Variants in FCN2 observed in about 807,000 individuals in gnomAD.
FCN2 encodes the protein ficolin-2.
In FCN2, 31 loss-of-function variants were observed where a neutral mutation model predicts 32.5. The observed-to-expected ratio is 0.96, with a 90% CI of 0.72 to 1.29. The LOEUF (loss-of-function observed/expected upper bound fraction) is 1.29. Ranked by LOEUF, FCN2 falls within the 50% of genes most tolerant of loss-of-function variation. FCN2 has a pLI of 0.00. For synonymous variants in FCN2, 181 were observed against 164.5 expected, an observed-to-expected ratio of 1.10 and a Z score of -0.77; for missense variants, 412 against 406.5, an observed-to-expected ratio of 1.01 and a Z score of -0.12.
the FCN2 span, among the ~76,000 whole-genome samples, chr9:134,875,507 T>C: frequency 6.6e-6 from 1 of 152,184 alleles, no homozygotes; most frequent in South Asian, 2.1e-4. Flanking sequence ...GTGTATGTGA[T>C]TATGTGCACG....
chr9:134,868,169 C>G, the FCN2 span: 2 of 152,230 alleles, frequency 1.3e-5, no homozygotes, highest in Non-Finnish European at 2.9e-5. This position sits in a 1 kb window ranked among gnomAD's most constrained non-coding sequence, Gnocchi z 4.3. Context: ...AAGGACCCAG[C>G]GGAGCAGATC....
intron 2 of FCN2, among the ~76,000 whole-genome samples, chr9:134,883,038 G>A (rs1230922318): frequency 1.3e-5 from 2 of 152,148 alleles, no homozygotes; most frequent in East Asian, 1.9e-4. Context: ...CTCACACTTG[G>A]AAGGAAAAGA....
At chr9:134,880,783 T>C, upstream of FCN2, 1 of 1,537,944 alleles carries the variant, frequency 6.5e-7, no homozygotes, top group Non-Finnish European at 9.0e-7. Flanking sequence ...TCTAGCCCTA[T>C]AAGAGGGCAG....
In FCN2 at chr9:134,887,263, GC is replaced by G. The variant is rs758390412; in HGVS notation, c.791del (p.Ala264ValfsTer12). The G allele has an allele frequency of 5.9e-4, 956 of 1,614,234 alleles. No homozygotes were observed. The highest frequency in any genetic ancestry group is 7.7e-4 in the Non-Finnish European group (905 of 1,180,046). On this transcript the variant is annotated frameshift_variant, in exon 8 of 8. Transcript: ENST00000291744. LOFTEE classifies it low-confidence loss of function (END_TRUNC). ...AAATTGTGCTGTGATGTTTCAGGGA[GC>G]TTGGTGGTACAAAAACTGCCATGTG... ...TGNCAVMFQG[A>X]WWYKNCHVSN...
rs2133001331 is a variant in FCN2 at position 134,883,325 on chromosome 9, C to T, written c.238C>T (p.Pro80Ser). 6.2e-7 allele frequency: 1 copy of T among 1,613,744 alleles called. No individual in the cohort carries two copies. Among genetic ancestry groups the T allele is most frequent in the African/African-American group, 1.3e-5 (1 of 75,028 alleles). The change falls in exon 3 of 8, where the codon CCT (proline) becomes TCT (serine). Residue 80 changes from proline to serine, a missense_variant. Coordinates refer to ENST00000291744, the MANE Select transcript of FCN2 (RefSeq NM_004108.3). ...AGGAGAACGTGGCCCCCCTGGACCT[C>T]CTGGGAAGGCAGGACCACCTGGGCC... ...KRGERGPPGP[P>S]GKAGPPGPNG...
In FCN2 at chr9:134,885,256, G is replaced by A. The variant is rs1413481250; in HGVS notation, c.319G>A (p.Asp107Asn). The change falls in exon 5 of 8, where the codon GAC (aspartate) becomes AAC (asparagine). Residue 107 changes from aspartate to asparagine, a missense_variant. Asp to Asn is a conservative substitution (Grantham distance 23). Transcript: ENST00000291744. ...CTTCCCAGGCCCGCGTACCTGCAAG[G>A]ACCTGCTAGACCGAGGGCACTTCCT... The part of the protein sequence containing the change: ...PCLTGPRTCK[D>N]LLDRGHFLSG... The A allele has an allele frequency of 1.9e-6, 3 of 1,614,018 alleles. No homozygotes were observed. The highest frequency in any genetic ancestry group is 2.5e-6 in the Non-Finnish European group (3 of 1,180,024).
chr9:134,873,899 G>GGTTTTTTTTT, the FCN2 span, among the ~76,000 whole-genome samples: 1 of 45,498 alleles, frequency 2.2e-5, no homozygotes, highest in East Asian at 3.5e-3. Context: ...TTTGTTTTTT[G>GGTTTTTTTTT]TTTTTTTTTG....
chr9:134,874,619 T>A, the FCN2 span, among the ~76,000 whole-genome samples: 1 of 152,262 alleles, frequency 6.6e-6, no homozygotes, highest in East Asian at 1.9e-4. Flanking sequence ...TGATGCTTTA[T>A]AATAATTCTT....
intron 3 of FCN2, among the ~76,000 whole-genome samples, chr9:134,883,896 G>C (rs1830704816): frequency 6.9e-6 from 1 of 144,968 alleles, no homozygotes; most frequent in African/African-American, 2.6e-5. Context: ...GTAGGGGAAG[G>C]TTTTCAGTGC....
chr9:134,886,408 C>T (rs1210148811), intron 6 of FCN2, 22 bp from the exon 7 acceptor site: 4 of 1,613,998 alleles, frequency 2.5e-6, no homozygotes, highest in Non-Finnish European at 3.4e-6. Flanking sequence ...TCCGCTGAGA[C>T]CCTGAAACCT....
chr9:134,874,358 A>T, the FCN2 span, among the ~76,000 whole-genome samples: 1 of 152,080 alleles, frequency 6.6e-6, no homozygotes, highest in Non-Finnish European at 1.5e-5. Context: ...TCTATTTCCC[A>T]CTGAGAGCTA....
At chr9:134,885,666 T>G in intron 5 of FCN2, 102 bp from the exon 6 acceptor site, 1 of 1,527,520 alleles carries the variant, frequency 6.5e-7, no homozygotes, top group Non-Finnish European at 9.0e-7. Context: ...CCGCCTGTGA[T>G]GCTCTGCCAA....
intron 7 of FCN2, among the ~76,000 whole-genome samples, chr9:134,886,820 C>T: frequency 6.6e-6 from 1 of 152,170 alleles, no homozygotes; most frequent in Non-Finnish European, 1.5e-5. Context: ...GGGACCTATG[C>T]ACGGTGACAG....
At chr9:134,874,631 A>G in the FCN2 span, among the ~76,000 whole-genome samples, 1 of 152,188 alleles carries the variant, frequency 6.6e-6, no homozygotes, top group Admixed American at 6.5e-5. Flanking sequence ...ATAATTCTTG[A>G]AATTAGATAG....
At chr9:134,874,266 C>T in the FCN2 span, among the ~76,000 whole-genome samples, 1 of 152,136 alleles carries the variant, frequency 6.6e-6, no homozygotes, top group Non-Finnish European at 1.5e-5. Context: ...CAATATTTTG[C>T]TTTTGGAGAT....
At chr9:134,875,461 T>C in the FCN2 span, among the ~76,000 whole-genome samples, 3 of 152,126 alleles carry the variant, frequency 2.0e-5, no homozygotes, top group African/African-American at 7.2e-5. Flanking sequence ...GAATCTATGA[T>C]TTGCTTCTAA....
chr9:134,868,442 C>T, the FCN2 span: 2 of 198,048 alleles, frequency 1.0e-5, no homozygotes, highest in Admixed American at 4.8e-5. This position sits in a 1 kb window ranked among gnomAD's most constrained non-coding sequence, Gnocchi z 4.3. Flanking sequence ...ACTACAGCTA[C>T]AAGGTGTCGG....
upstream of FCN2, among the ~76,000 whole-genome samples, chr9:134,880,631 G>A (rs1251267904): frequency 2.0e-5 from 3 of 152,148 alleles, no homozygotes; most frequent in East Asian, 3.9e-4. Context: ...GATGACAGTC[G>A]CCATGGGATC....
chr9:134,883,320 G>T lies in FCN2; in HGVS notation c.233G>T (p.Gly78Val). Residue 78 changes from glycine (G) to valine (V), a missense_variant, in exon 3 of 8, where the codon GGA becomes GTA. By Grantham distance (109) the Gly-to-Val change is moderately radical. Coordinates refer to ENST00000291744, the MANE Select transcript of FCN2 (RefSeq NM_004108.3). ...NGKRGERGPP[G>V]PPGKAGPPGP... ...ATTGCAGGAGAACGTGGCCCCCCTG[G>T]ACCTCCTGGGAAGGCAGGACCACCT... 8 of 1,613,728 alleles carry T rather than the reference G, an allele frequency of 5.0e-6. No individual in the cohort carries two copies. Among genetic ancestry groups the T allele is most frequent in the Non-Finnish European group, 6.8e-6 (8 of 1,179,698 alleles).
Sources: allele counts gnomAD v4.1 joint callset (sites outside exome capture counted in the v4.1 genomes callset), GRCh38; gene constraint gnomAD v4.1.1; non-coding constraint Gnocchi (gnomAD v3.1); transcripts MANE v1.5; gene names NCBI Gene and HGNC (gene_info 2026-07-23, HGNC 2026-07-21).